The following GOLGA1 variants were observed in gnomAD, a reference collection of about 807,000 sequenced individuals.
GOLGA1 encodes golgin subfamily A member 1.
A neutral mutation model predicts 119.7 loss-of-function variants in GOLGA1; 63 were observed. The observed-to-expected ratio is 0.53, with a 90% CI of 0.43 to 0.65. GOLGA1 has a LOEUF of 0.65. GOLGA1 is among the 30% of genes least tolerant of loss of function. The pLI is 0.00. For missense variants in GOLGA1, 798 were observed against 912.8 expected (o/e 0.87, Z 1.62); for synonymous variants, 318 against 333.4 (o/e 0.95, Z 0.50).
At chr9:124,922,018 A>T in intron 8 of GOLGA1, 126 bp from the exon 9 acceptor site, 1 of 755,900 alleles carries the variant, frequency 1.3e-6, no homozygotes, top group East Asian at 2.5e-5. Flanking sequence ...ACTTGAGGTC[A>T]GGAGTTTGAG....
At chr9:124,901,701 C>G (rs1158842766) in intron 12 of GOLGA1, among the ~76,000 whole-genome samples, 7 of 152,168 alleles carry the variant, frequency 4.6e-5, no homozygotes, top group Admixed American at 4.6e-4. Flanking sequence ...TCCCAAAGTG[C>G]TGCAATTACA....
At position 124,938,755 on chromosome 9, in the gene GOLGA1, G is replaced by T; in HGVS notation, c.-44C>A. ...CTGCACAGATGACGAGCTCTCAGTAGTCCTGGTGCCTGTGTTCAGGATTCA... is the reference window on the plus strand; with the variant it reads ...CTGCACAGATGACGAGCTCTCAGTATTCCTGGTGCCTGTGTTCAGGATTCA... On this transcript the variant is annotated 5_prime_UTR_variant, in exon 3 of 23. Coordinates refer to ENST00000373555, the MANE Select transcript of GOLGA1 (RefSeq NM_002077.4). 2 of 1,560,730 alleles carry T rather than the reference G, an allele frequency of 1.3e-6. No individual in the cohort carries two copies. Among genetic ancestry groups the T allele is most frequent in the Non-Finnish European group, 1.7e-6 (2 of 1,149,658 alleles).
rs778850003 is a variant in GOLGA1, at chr9:124,921,234, A to G, written c.738T>C (p.His246=). 3.1e-6 allele frequency: 5 copies of G among 1,593,072 alleles called. No homozygotes were observed. The highest frequency in any genetic ancestry group is 1.1e-5 in the South Asian group (1 of 90,690). ...HYSTLEEQRD[H]VIASKTGAES... Reference sequence around the variant, plus strand: ...CTGCACCTGTTTTTGAAGCTATCACATGATCTCTTCATCAAAAGAAAGCAG... The same window carrying G: ...CTGCACCTGTTTTTGAAGCTATCACGTGATCTCTTCATCAAAAGAAAGCAG... Residue 246 remains histidine, a synonymous_variant, in exon 10 of 23, where the codon CAT becomes CAC. Coordinates refer to ENST00000373555, the MANE Select transcript of GOLGA1 (RefSeq NM_002077.4).
In GOLGA1 at chr9:124,880,404, A is replaced by G. The variant is rs1829547238; in HGVS notation, c.*126T>C. ...GGAAGTGGGCCTTAGTCTTGTAAAC[A>G]ATGTTTAGACACTTGTACAAAATAC... On this transcript the variant is annotated 3_prime_UTR_variant, in exon 23 of 23. Transcript: ENST00000373555. 1.5e-6 allele frequency: 1 copy of G among 655,440 alleles called. No individual in the cohort carries two copies. Among genetic ancestry groups the G allele is most frequent in the African/African-American group, 1.8e-5 (1 of 55,452 alleles). 40.6% of individuals were successfully genotyped at this position (655,440 alleles called of 1,614,324 possible).
intron 8 of GOLGA1, among the ~76,000 whole-genome samples, chr9:124,922,370 T>C (rs919912782): frequency 6.6e-6 from 1 of 150,992 alleles, no homozygotes; most frequent in Non-Finnish European, 1.5e-5. Flanking sequence ...CTGGGTAACA[T>C]GGCGAAACAC....
At chr9:124,900,142 G>A (rs751771193) in intron 13 of GOLGA1, 10 of 252,126 alleles carry the variant, frequency 4.0e-5, no homozygotes, top group Non-Finnish European at 6.1e-5. Context: ...CCCCGCCCCT[G>A]ATTGCAAGTT....
At position 124,881,284 on chromosome 9, in the gene GOLGA1, T is replaced by C. The variant is rs1375062985; in HGVS notation, c.2137-27A>G. 6.5e-6 allele frequency: 9 copies of C among 1,377,862 alleles called. No homozygotes were observed. The highest frequency in any genetic ancestry group is 2.3e-5 in the East Asian group (1 of 43,804). The allele number at this position is 1,377,862 out of a possible 1,614,324, so 85.4% of individuals were successfully genotyped here. A position where few individuals can be genotyped will look rare whatever the true frequency, so the allele number is the denominator to read the frequency against. ...TGAAACACAGTAAGTTTTGCTGCCA[T>C]AGGCCTTGGTGAAGGTGAGGCGGGG... On this transcript the variant is annotated intron_variant, in intron 21 of 22. Transcript: ENST00000373555. The surrounding 1 kb of genome is among the most constrained non-coding windows in gnomAD (Gnocchi z 4.9).
At chr9:124,916,877 C>CAAAAAAAAAAAAA (rs71494043) in intron 10 of GOLGA1, among the ~76,000 whole-genome samples, 1 of 41,216 alleles carries the variant, frequency 2.4e-5, no homozygotes, top group Non-Finnish European at 4.1e-5. Context: ...CCCTGACACA[C>CAAAAAAAAAAAAA]AAAAAAAAAA....
chr9:124,921,700 G>A lies in GOLGA1; in HGVS notation c.731+23C>T, dbSNP rs1830572229. ...AACTACACTAACACCTCTTCCCAAG[G>A]GCCCCACAGACCAAGCAAGAACCTC... is the stretch of plus-strand genomic sequence containing the variant. On this transcript the variant is annotated intron_variant, in intron 9 of 22. Coordinates refer to ENST00000373555, the MANE Select transcript of GOLGA1 (RefSeq NM_002077.4). The A allele has an allele frequency of 3.1e-6, 5 of 1,591,502 alleles. No homozygotes were observed. The South Asian group carries it at 3.3e-5, about 11-fold the overall frequency.
At chr9:124,916,815 G>T (rs1232045732) in intron 10 of GOLGA1, among the ~76,000 whole-genome samples, 1 of 140,806 alleles carries the variant, frequency 7.1e-6, no homozygotes, top group Non-Finnish European at 1.5e-5. Context: ...ATTTGAGGCT[G>T]CAGTGAGCCA....
At chr9:124,909,265 T>C (rs549542459) in intron 11 of GOLGA1, among the ~76,000 whole-genome samples, 1 of 150,140 alleles carries the variant, frequency 6.7e-6, no homozygotes, top group South Asian at 2.1e-4. Flanking sequence ...TGAGCAGAGA[T>C]TGTACCACTG....
chr9:124,927,637 A>T (rs926061787), intron 6 of GOLGA1, among the ~76,000 whole-genome samples: 2 of 152,200 alleles, frequency 1.3e-5, no homozygotes, highest in African/African-American at 4.8e-5. Flanking sequence ...ATACTTCATA[A>T]TTACTGTAAT....
intron 10 of GOLGA1, among the ~76,000 whole-genome samples, chr9:124,916,877 C>CAAAAAAAAAAAAAAAAAAAAAAAA (rs71494043): frequency 2.4e-5 from 1 of 41,220 alleles, no homozygotes; most frequent in Non-Finnish European, 4.1e-5. Flanking sequence ...CCCTGACACA[C>CAAAAAAAAAAAAAAAAAAAAAAAA]AAAAAAAAAA....
rs530189129 is a variant in GOLGA1 at position 124,895,520 on chromosome 9, C to G, written c.1407+3029G>C. ...AACCCTCCACAACAGAGACCCTCCA[C>G]AACAGAGACCCTCCACAACAGAGAA... On this transcript the variant is annotated intron_variant, in intron 15 of 22. Coordinates refer to ENST00000373555, the MANE Select transcript of GOLGA1 (RefSeq NM_002077.4). 3.4e-5 allele frequency among the ~76,000 whole-genome samples: 5 copies of G among 145,980 alleles called. No homozygotes were observed. The East Asian group carries it at 1.1e-3, about 31-fold the overall frequency.
chr9:124,941,230 C>T (rs1831015588), upstream of GOLGA1: 2 of 152,326 alleles, frequency 1.3e-5, no homozygotes, highest in Non-Finnish European at 2.9e-5. Flanking sequence ...TCTCGGGTGC[C>T]CAGCCGGGCG....
chr9:124,895,302 C>CTCCACAACAGAGAACCA (rs1306294422), intron 15 of GOLGA1, among the ~76,000 whole-genome samples: 3 of 146,458 alleles, frequency 2.0e-5, no homozygotes, highest in Non-Finnish European at 4.5e-5. Context: ...ACAGAGAACC[C>CTCCACAACAGAGAACCA]TCCACAACAG....
At chr9:124,898,778 G>A in intron 14 of GOLGA1, 134 bp from the exon 15 acceptor site, 4 of 607,938 alleles carry the variant, frequency 6.6e-6, no homozygotes, top group Non-Finnish European at 1.2e-5. Flanking sequence ...GAAGCAGAGG[G>A]GACTGGTCAG....
chr9:124,893,351 G>A (rs1184022282), intron 15 of GOLGA1, among the ~76,000 whole-genome samples: 1 of 152,032 alleles, frequency 6.6e-6, no homozygotes, highest in African/African-American at 2.4e-5. Flanking sequence ...TCCACATCTT[G>A]CTGAAATTTT....
At chr9:124,940,355 G>A (rs1231066222) in intron 1 of GOLGA1, among the ~76,000 whole-genome samples, 200 bp from the exon 2 acceptor site, 1 of 152,108 alleles carries the variant, frequency 6.6e-6, no homozygotes, top group Non-Finnish European at 1.5e-5. Flanking sequence ...TTGCCTAAGA[G>A]CTTCACTTAC....
Sources: allele counts gnomAD v4.1 joint callset (sites outside exome capture counted in the v4.1 genomes callset), GRCh38; gene constraint gnomAD v4.1.1; non-coding constraint Gnocchi (gnomAD v3.1); transcripts MANE v1.5; gene names NCBI Gene and HGNC (gene_info 2026-07-23, HGNC 2026-07-21).